Variants in FRAS1 observed in about 807,000 individuals in gnomAD.
The protein encoded by FRAS1 is extracellular matrix organizing protein FRAS1.
FRAS1 carries 290 observed loss-of-function variants against 435.2 expected under a neutral mutation model. The observed-to-expected ratio is 0.67, with a 90% CI of 0.61 to 0.73. FRAS1 has a LOEUF of 0.73. Among genes scored for constraint, FRAS1 ranks in the 30% least tolerant of loss-of-function variants. The probability of loss-of-function intolerance (pLI) is 0.00; values close to 1 mark genes in which losing one functional copy is unlikely to be tolerated. For missense variants in FRAS1, 4,860 were observed against 5,001.5 expected (o/e 0.97, Z 0.85); for synonymous variants, 1,800 against 1,851.0 (o/e 0.97, Z 0.71).
intron 9 of FRAS1, among the ~76,000 whole-genome samples, chr4:78,275,705 C>T (rs1327897140): frequency 1.3e-5 from 2 of 152,152 alleles, no homozygotes; most frequent in African/African-American, 2.4e-5. Flanking sequence ...GATGGGCTTC[C>T]CTTTGTGGGC....
At chr4:78,327,527 A>G (rs1396199547) in intron 18 of FRAS1, among the ~76,000 whole-genome samples, 1 of 152,234 alleles carries the variant, frequency 6.6e-6, no homozygotes, top group Admixed American at 6.5e-5. Context: ...TATTTTAGGT[A>G]CAGTTTTTGC....
chr4:78,446,561 G>C, intron 42 of FRAS1, 166 bp from the exon 43 acceptor site: 1 of 1,382,342 alleles, frequency 7.2e-7, no homozygotes, highest in Non-Finnish European at 9.3e-7. Flanking sequence ...GCCTGGACTT[G>C]CTCTCTTTTC....
At chr4:78,483,403 A>G (rs918719262) in intron 58 of FRAS1, among the ~76,000 whole-genome samples, 1 of 152,102 alleles carries the variant, frequency 6.6e-6, no homozygotes, top group African/African-American at 2.4e-5. Context: ...TCAGAACTTC[A>G]GAATCCACTG....
intron 69 of FRAS1, among the ~76,000 whole-genome samples, chr4:78,523,010 A>G (rs1171005607): frequency 6.6e-6 from 1 of 152,164 alleles, no homozygotes; most frequent in Non-Finnish European, 1.5e-5. Flanking sequence ...AGGAGTGCGA[A>G]GCTGCAGTTA....
intron 29 of FRAS1, among the ~76,000 whole-genome samples, chr4:78,395,593 C>A (rs1732625507): frequency 6.6e-6 from 1 of 151,900 alleles, no homozygotes; most frequent in Admixed American, 6.6e-5. Flanking sequence ...GATGGATTAA[C>A]CTCTCATTAT....
Position 78,508,956 on chromosome 4 carries a change from C to G in FRAS1, c.9730C>G (p.Pro3244Ala). The change falls in exon 63 of 74, where the codon CCC becomes GCC. Residue 3244 changes from proline to alanine, a missense_variant. Pro to Ala is a conservative substitution (Grantham distance 27). Coordinates refer to ENST00000512123, the MANE Select transcript of FRAS1 (RefSeq NM_025074.7). ...APTDGNGARS[P>A]FETITDNTPF... ...CACTGATGGCAATGGGGCCCGGTCT[C>G]CCTTTGAAACCATCACTGACAACAC... The G allele has an allele frequency of 6.2e-7, 1 of 1,614,010 alleles. No homozygotes were observed. The highest frequency in any genetic ancestry group is 8.5e-7 in the Non-Finnish European group (1 of 1,179,892).
intron 2 of FRAS1, among the ~76,000 whole-genome samples, chr4:78,089,925 A>G (rs1447963940): frequency 1.3e-5 from 2 of 152,154 alleles, no homozygotes; most frequent in African/African-American, 4.8e-5. Flanking sequence ...TCCATCCTTA[A>G]GTAGGCTCCA....
At chr4:78,401,930 G>A (rs1229139186) in intron 30 of FRAS1, among the ~76,000 whole-genome samples, 3 of 151,658 alleles carry the variant, frequency 2.0e-5, no homozygotes, top group Non-Finnish European at 4.4e-5. Context: ...GCTAGGCTAC[G>A]TGGGATTCTC....
intron 1 of FRAS1, among the ~76,000 whole-genome samples, chr4:78,062,924 G>A (rs1015709711): frequency 1.3e-5 from 2 of 152,136 alleles, no homozygotes; most frequent in Non-Finnish European, 2.9e-5. Flanking sequence ...TCTGTGCCTT[G>A]AAATTGGCAT....
chr4:78,157,580 C>G (rs1720948403), intron 2 of FRAS1, among the ~76,000 whole-genome samples: 1 of 152,154 alleles, frequency 6.6e-6, no homozygotes. Context: ...TGATACTAAG[C>G]ATTTTTCATG....
intron 20 of FRAS1, among the ~76,000 whole-genome samples, chr4:78,360,765 A>C (rs908952893): frequency 6.6e-6 from 1 of 152,204 alleles, no homozygotes; most frequent in Non-Finnish European, 1.5e-5. Flanking sequence ...AGCTTCCTTT[A>C]GAATAATTAA....
At chr4:78,228,000 A>G (rs1724346941) in intron 2 of FRAS1, among the ~76,000 whole-genome samples, 1 of 152,224 alleles carries the variant, frequency 6.6e-6, no homozygotes, top group Non-Finnish European at 1.5e-5. Flanking sequence ...AAGGCTACCT[A>G]TATATAAAGA....
intron 20 of FRAS1, among the ~76,000 whole-genome samples, chr4:78,361,911 A>C (rs1731086179): frequency 6.6e-6 from 1 of 152,040 alleles, no homozygotes; most frequent in Non-Finnish European, 1.5e-5. Context: ...GTAAATTGAG[A>C]TTCGTGGGTT....
chr4:78,379,775 A>G lies in FRAS1; in HGVS notation c.3342A>G (p.Pro1114=). 6.2e-7 allele frequency: 1 copy of G among 1,613,734 alleles called. No homozygotes were observed. Among genetic ancestry groups the G allele is most frequent in the Non-Finnish European group, 8.5e-7 (1 of 1,179,784 alleles). ...ATGTGAATGGTTCCCTGATCCTCCC[A>G]ATTGGTTCAATAAAGCCACTGGATT... is the stretch of plus-strand genomic sequence containing the variant. The part of the protein sequence containing the change: ...SLHVNGSLIL[P]IGSIKPLDFS... The change falls in exon 27 of 74, where the codon CCA becomes CCG. Residue 1114 remains proline (P), a synonymous_variant. Coordinates refer to ENST00000512123, the MANE Select transcript of FRAS1 (RefSeq NM_025074.7).
intron 2 of FRAS1, chr4:78,071,719 C>T (rs9307331): frequency 0.12 from 17,668 of 152,100 alleles, 1,119 homozygotes; most frequent in Middle Eastern, 0.18. Context: ...TTAAATTTCA[C>T]TTAATGTCAA....
chr4:78,517,174 G>A (rs1721237905), intron 66 of FRAS1, among the ~76,000 whole-genome samples: 1 of 152,224 alleles, frequency 6.6e-6, no homozygotes, highest in African/African-American at 2.4e-5. Context: ...TAGAGAAAGT[G>A]TCTTTGATTA....
intron 2 of FRAS1, among the ~76,000 whole-genome samples, chr4:78,115,657 T>C (rs1743112051): frequency 6.6e-6 from 1 of 152,242 alleles, no homozygotes; most frequent in Non-Finnish European, 1.5e-5. Context: ...TTTGTATTTC[T>C]GTGGGATAGG....
At chr4:78,217,358 A>G (rs192583622) in intron 2 of FRAS1, among the ~76,000 whole-genome samples, 1 of 152,252 alleles carries the variant, frequency 6.6e-6, no homozygotes, top group East Asian at 1.9e-4. Context: ...ACATTGACAC[A>G]TAAAATTAAC....
Position 78,446,849 on chromosome 4 carries a change from C to A in FRAS1, c.5979C>A (p.Leu1993=). 1 of 1,611,244 alleles carries A rather than the reference C, an allele frequency of 6.2e-7. No homozygotes were observed. Residue 1993 remains leucine, a synonymous_variant, in exon 43 of 74, where the codon CTC becomes CTA. Transcript: ENST00000512123. ...LQDLDTPDNE[L]IFVLTKKPDH... ...ACCTGGACACCCCAGATAATGAGCT[C>A]ATTTTTGTATTGACAAAAAAGCCTG...
Sources: allele counts gnomAD v4.1 joint callset (sites outside exome capture counted in the v4.1 genomes callset), GRCh38; gene constraint gnomAD v4.1.1; transcripts MANE v1.5; gene names NCBI Gene and HGNC (gene_info 2026-07-23, HGNC 2026-07-21).